The following SPSB1 variants were observed in gnomAD, a reference collection of about 807,000 sequenced individuals.
The protein encoded by SPSB1 is SPRY domain-containing SOCS box protein 1.
SPSB1 carries 8 observed loss-of-function variants against 21.2 expected under a neutral mutation model. The observed-to-expected ratio is 0.38, with a 90% CI of 0.22 to 0.68. SPSB1 has a LOEUF of 0.68. Ranked by LOEUF, SPSB1 falls within the 30% of genes least tolerant of loss-of-function variation. SPSB1 has a pLI of 0.53. For missense variants in SPSB1, 242 were observed against 377.8 expected, an observed-to-expected ratio of 0.64 and a Z score of 2.98; for synonymous variants, 169 against 161.7, an observed-to-expected ratio of 1.05 and a Z score of -0.34.
At chr1:9,342,422 C>T (rs1463531740) in intron 1 of SPSB1, among the ~76,000 whole-genome samples, 1 of 152,242 alleles carries the variant, frequency 6.6e-6, no homozygotes, top group East Asian at 1.9e-4. Context: ...CAGGCCCCAG[C>T]GTCAACCGTG....
intron 1 of SPSB1, among the ~76,000 whole-genome samples, chr1:9,295,211 AGTGT>A (rs1639198827): frequency 1.2e-5 from 1 of 83,234 alleles, no homozygotes; most frequent in Non-Finnish European, 2.5e-5. Flanking sequence ...TGTGTGTGAG[AGTGT>A]GAGTGTGTGT....
chr1:9,297,972 G>A (rs373636701), intron 1 of SPSB1, among the ~76,000 whole-genome samples: 10 of 152,196 alleles, frequency 6.6e-5, no homozygotes, highest in African/African-American at 2.4e-4. Context: ...GGGAGCCGCA[G>A]TCACTCAAAT....
At chr1:9,301,682 T>G (rs1018844454) in intron 1 of SPSB1, among the ~76,000 whole-genome samples, 1 of 152,128 alleles carries the variant, frequency 6.6e-6, no homozygotes, top group Non-Finnish European at 1.5e-5. Context: ...AGGAACAAAG[T>G]GGTCATGGTG....
intron 1 of SPSB1, among the ~76,000 whole-genome samples, chr1:9,304,580 C>T (rs950441131): frequency 3.3e-5 from 5 of 152,118 alleles, no homozygotes; most frequent in South Asian, 2.1e-4. Context: ...GGGTAAGCTT[C>T]GGTAACTAGT....
At chr1:9,350,474 C>T (rs1183107740) in intron 1 of SPSB1, among the ~76,000 whole-genome samples, 7 of 152,232 alleles carry the variant, frequency 4.6e-5, no homozygotes, top group Non-Finnish European at 1.0e-4. Context: ...GGAGAGCAGG[C>T]GCCGCCGGCC....
intron 1 of SPSB1, among the ~76,000 whole-genome samples, chr1:9,326,412 G>A (rs748465505): frequency 3.9e-5 from 6 of 152,192 alleles, no homozygotes; most frequent in African/African-American, 7.2e-5. Flanking sequence ...GGGTGGTGTC[G>A]GAGGAGTCAC....
At chr1:9,320,453 T>C (rs77741734) in intron 1 of SPSB1, among the ~76,000 whole-genome samples, 9,453 of 152,242 alleles carry the variant, frequency 0.062, 443 homozygotes, top group Non-Finnish European at 0.09. Flanking sequence ...CGCCATTTGA[T>C]TGGGAGGCCT....
intron 2 of SPSB1, among the ~76,000 whole-genome samples, chr1:9,361,168 T>TTTTTTTTTTC (rs1557467331): frequency 2.1e-5 from 3 of 141,970 alleles, no homozygotes; most frequent in Non-Finnish European, 3.1e-5. Flanking sequence ...TTTTTTTTTT[T>TTTTTTTTTTC]TTTTTTTTTT....
rs967648733 is a variant in SPSB1, at chr1:9,346,446, C to T, written c.-149-9297C>T. ...CCCTTTCTGTCTGTCTGTCCCCAGT[C>T]GCTTTGGCTACATCCCCAAAAGAGG... On this transcript the variant is annotated intron_variant, in intron 1 of 2. Transcript: ENST00000328089. This position sits in a 1 kb window ranked among gnomAD's most constrained non-coding sequence, Gnocchi z 4.4. 6.6e-6 allele frequency among the ~76,000 whole-genome samples: 1 copy of T among 152,190 alleles called. No individual in the cohort carries two copies. The highest frequency in any genetic ancestry group is 1.5e-5 in the Non-Finnish European group (1 of 68,036).
chr1:9,315,966 A>G (rs748172023), intron 1 of SPSB1, among the ~76,000 whole-genome samples: 5 of 152,208 alleles, frequency 3.3e-5, no homozygotes, highest in Non-Finnish European at 7.3e-5. Context: ...ATCCTGGTGC[A>G]GTTCTGCAGC....
In SPSB1 at chr1:9,293,647, A is replaced by G. The variant is rs1639158627; in HGVS notation, c.-150+576A>G. The stretch of plus-strand genomic sequence containing the variant: ...CCCCGGAGCCGCCGCGGCTTCTCCC[A>G]GCAGCGGAGGGAGAGCCGGAGGGTT... On this transcript the variant is annotated intron_variant, in intron 1 of 2. Coordinates refer to ENST00000328089, the MANE Select transcript of SPSB1 (RefSeq NM_025106.4). The surrounding 1 kb of genome is among the most constrained non-coding windows in gnomAD (Gnocchi z 5.1). Among the ~76,000 whole-genome samples, 2 of 152,044 alleles carry G rather than the reference A, an allele frequency of 1.3e-5. No homozygotes were observed. Among genetic ancestry groups the G allele is most frequent in the South Asian group, 4.1e-4 (2 of 4,822 alleles).
At chr1:9,295,442 T>C (rs1639205546) in intron 1 of SPSB1, among the ~76,000 whole-genome samples, 2 of 151,866 alleles carry the variant, frequency 1.3e-5, no homozygotes, top group Admixed American at 1.3e-4. Flanking sequence ...GAAGAATCAG[T>C]GGGTTTCAGG....
intron 2 of SPSB1, among the ~76,000 whole-genome samples, chr1:9,359,591 A>G (rs1358718824): frequency 6.6e-6 from 1 of 151,590 alleles, no homozygotes; most frequent in Non-Finnish European, 1.5e-5. Flanking sequence ...AATCCCAGCT[A>G]CTTGGGAGGC....
At chr1:9,354,913 G>A (rs1277074320) in intron 1 of SPSB1, among the ~76,000 whole-genome samples, 1 of 152,174 alleles carries the variant, frequency 6.6e-6, no homozygotes, top group Non-Finnish European at 1.5e-5. Flanking sequence ...AGGACCCAGG[G>A]GATGGTGAGG....
chr1:9,334,357 A>G (rs1639970864), intron 1 of SPSB1, among the ~76,000 whole-genome samples: 1 of 152,118 alleles, frequency 6.6e-6, no homozygotes, highest in Non-Finnish European at 1.5e-5. Flanking sequence ...AAGTGCTGGG[A>G]TTACAGGCAT....
At chr1:9,364,040 C>G (rs1363826156) in intron 2 of SPSB1, among the ~76,000 whole-genome samples, 3 of 152,234 alleles carry the variant, frequency 2.0e-5, no homozygotes. Flanking sequence ...ACCCGTTACA[C>G]CAAGAGGGTA....
In SPSB1 at chr1:9,346,289, A is replaced by G. The variant is rs1640165876; in HGVS notation, c.-149-9454A>G. 6.6e-6 allele frequency among the ~76,000 whole-genome samples: 1 copy of G among 152,176 alleles called. No individual in the cohort carries two copies. The highest frequency in any genetic ancestry group is 2.4e-5 in the African/African-American group (1 of 41,432). ...ACATCCTGAATTTCATTCTTTCCCC[A>G]TCTTGGGGCAAAACAATGGTTTTAC... On this transcript the variant is annotated intron_variant, in intron 1 of 2. Transcript: ENST00000328089. This position sits in a 1 kb window ranked among gnomAD's most constrained non-coding sequence, Gnocchi z 4.4.
In SPSB1 at chr1:9,324,867, C is replaced by T. The variant is rs762653900; in HGVS notation, c.-149-30876C>T. 9.2e-5 allele frequency among the ~76,000 whole-genome samples: 14 copies of T among 152,244 alleles called. No individual in the cohort carries two copies. The highest frequency in any genetic ancestry group is 3.1e-4 in the African/African-American group (13 of 41,462). On this transcript the variant is annotated intron_variant, in intron 1 of 2. Transcript: ENST00000328089. This position sits in a 1 kb window ranked among gnomAD's most constrained non-coding sequence, Gnocchi z 4.3. ...TGTTCGCCTGGCCGTGGAGCCAGCA[C>T]GGTCTTGTCGGATCCAGACCAGACA... is the stretch of plus-strand genomic sequence containing the variant.
chr1:9,352,567 A>C (rs1003572973), intron 1 of SPSB1, among the ~76,000 whole-genome samples: 9 of 152,126 alleles, frequency 5.9e-5, no homozygotes, highest in Non-Finnish European at 1.3e-4. Flanking sequence ...ATTTCAGAAA[A>C]AGCTGATCTC....
Sources: allele counts gnomAD v4.1 joint callset (sites outside exome capture counted in the v4.1 genomes callset), GRCh38; gene constraint gnomAD v4.1.1; non-coding constraint Gnocchi (gnomAD v3.1); transcripts MANE v1.5; gene names NCBI Gene and HGNC (gene_info 2026-07-23, HGNC 2026-07-21).